Variants in DHX35 observed in about 807,000 individuals in gnomAD.
The protein encoded by DHX35 is DEAH-box helicase 35, also known as probable ATP-dependent RNA helicase DHX35.
In DHX35, 84 loss-of-function variants were observed where a neutral mutation model predicts 99.6. That is an observed-to-expected ratio of 0.84 (90% CI 0.71 to 1.01). DHX35 has a LOEUF of 1.01. Ranked by LOEUF, DHX35 falls within the 50% of genes least tolerant of loss-of-function variation. The pLI is 0.00. For missense variants in DHX35, 852 were observed against 888.5 expected (o/e 0.96, Z 0.52); for synonymous variants, 331 against 316.2 (o/e 1.05, Z -0.50).
intron 16 of DHX35, among the ~76,000 whole-genome samples, chr20:39,022,610 C>A (rs1256234724): frequency 6.6e-6 from 1 of 152,184 alleles, no homozygotes; most frequent in African/African-American, 2.4e-5. Context: ...AATTGTCATT[C>A]AGACTGCTCT....
At chr20:38,966,201 A>G (rs1466644683) in intron 1 of DHX35, among the ~76,000 whole-genome samples, 1 of 152,226 alleles carries the variant, frequency 6.6e-6, no homozygotes, top group Non-Finnish European at 1.5e-5. Context: ...AGTTTGCAAA[A>G]GTTATAAAGT....
chr20:38,975,130 A>G (rs2086057547), intron 3 of DHX35, among the ~76,000 whole-genome samples: 1 of 151,920 alleles, frequency 6.6e-6, no homozygotes, highest in Admixed American at 6.6e-5. Context: ...TAATGGGTTT[A>G]TAAATAGGTT....
At position 39,038,687 on chromosome 20, in the gene DHX35, C is replaced by G; in HGVS notation, c.*144C>G. 1.3e-6 allele frequency: 1 copy of G among 761,792 alleles called. No homozygotes were observed. 47.2% of individuals were successfully genotyped at this position (761,792 alleles called of 1,614,324 possible). Reference sequence around the variant, plus strand: ...GTGGGCTGCGGCCTGTTCATTAGTCCTTTCTTCCCGCTGCCCACAGCATTT... The same window carrying G: ...GTGGGCTGCGGCCTGTTCATTAGTCGTTTCTTCCCGCTGCCCACAGCATTT... On this transcript the variant is annotated 3_prime_UTR_variant, in exon 22 of 22. Transcript: ENST00000252011.
At chr20:38,970,768 A>G (rs1194925474) in intron 2 of DHX35, among the ~76,000 whole-genome samples, 2 of 152,128 alleles carry the variant, frequency 1.3e-5, no homozygotes, top group Non-Finnish European at 1.5e-5. Context: ...TTACTCAAGT[A>G]TTTAAATTTT....
At chr20:39,030,925 G>A (rs2087040077) in intron 20 of DHX35, 150 bp downstream of exon 20, 3 of 768,684 alleles carry the variant, frequency 3.9e-6, no homozygotes. Flanking sequence ...CACTTTGGGA[G>A]GCCAATGTAG....
chr20:38,963,438 G>A (rs966019973), intron 1 of DHX35, among the ~76,000 whole-genome samples: 10 of 152,212 alleles, frequency 6.6e-5, no homozygotes, highest in Non-Finnish European at 1.2e-4. Context: ...CCAAGCAAGA[G>A]ATATGTTTAA....
At chr20:39,013,029 GA>G (rs1479876930) in intron 13 of DHX35, among the ~76,000 whole-genome samples, 1 of 150,868 alleles carries the variant, frequency 6.6e-6, no homozygotes, top group East Asian at 1.9e-4. Flanking sequence ...TTCAGAAGAA[GA>G]AAAAAAGCTT....
intron 12 of DHX35, among the ~76,000 whole-genome samples, chr20:39,007,936 A>C (rs1467291035): frequency 6.6e-6 from 1 of 152,242 alleles, no homozygotes. Flanking sequence ...AAACACATTA[A>C]AGTGAACAAT....
chr20:39,033,655 T>C (rs980814530), intron 20 of DHX35, among the ~76,000 whole-genome samples: 2 of 152,242 alleles, frequency 1.3e-5, no homozygotes, highest in African/African-American at 2.4e-5. Context: ...CTGGATGTTA[T>C]GCTCTTGGCT....
intron 21 of DHX35, among the ~76,000 whole-genome samples, chr20:39,036,769 A>G (rs1735533891): frequency 2.0e-5 from 3 of 151,418 alleles, no homozygotes; most frequent in African/African-American, 4.8e-5. Flanking sequence ...ACCTAATACA[A>G]CAACCTCATT....
rs759970639 is a variant in DHX35 at position 38,969,084 on chromosome 20, C to G, written c.44C>G (p.Thr15Arg). Residue 15 changes from threonine to arginine, a missense_variant, in exon 2 of 22, where the codon ACA becomes AGA. By Grantham distance (71) the Thr-to-Arg change is moderately conservative. Transcript: ENST00000252011. Reference sequence around the variant, plus strand: ...AAAAAAAACATTTCTGCTGCAGGTACAGAGGGGCCAGGTGTAAGCATCTCT... The same window carrying G: ...AAAAAAAACATTTCTGCTGCAGGTAGAGAGGGGCCAGGTGTAAGCATCTCT... ...VGPVKFWRPG[T>R]EGPGVSISEE... 2.5e-6 allele frequency: 4 copies of G among 1,602,294 alleles called. No homozygotes were observed. Among genetic ancestry groups the G allele is most frequent in the South Asian group, 2.2e-5 (2 of 89,908 alleles).
chr20:39,038,429 G>T, intron 21 of DHX35, 70 bp from the exon 22 acceptor site: 1 of 1,518,552 alleles, frequency 6.6e-7, no homozygotes, highest in East Asian at 2.3e-5. Flanking sequence ...TCATTCATAT[G>T]GGGATTATGT....
chr20:38,974,849 G>C (rs1478891706), intron 3 of DHX35, among the ~76,000 whole-genome samples: 1 of 152,230 alleles, frequency 6.6e-6, no homozygotes. Flanking sequence ...GACAGAGTGA[G>C]GTTTCTGGAG....
chr20:39,001,867 T>G, intron 9 of DHX35, 25 bp downstream of exon 9: 2 of 1,552,182 alleles, frequency 1.3e-6, no homozygotes, highest in South Asian at 1.2e-5. Context: ...GAATTCTGGA[T>G]GATGGTGTTT....
In DHX35 at chr20:39,025,457, C is replaced by T. The variant is rs1600445167; in HGVS notation, c.1801+98C>T. On this transcript the variant is annotated intron_variant, in intron 18 of 21. Coordinates refer to ENST00000252011, the MANE Select transcript of DHX35 (RefSeq NM_021931.4). ...GCTGGGCTGGTGCGAGGCAGTGTGG[C>T]GTGCTCTGTACCAACACTGGGTTTT... 2.1e-5 allele frequency: 30 copies of T among 1,451,552 alleles called. No homozygotes were observed. The East Asian group carries it at 5.0e-4, about 24-fold the overall frequency. The allele number at this position is 1,451,552 out of a possible 1,614,324, so 89.9% of individuals were successfully genotyped here. A position where few individuals can be genotyped will look rare whatever the true frequency, so the allele number is the denominator to read the frequency against.
chr20:39,022,040 G>A (rs1600438716), intron 16 of DHX35, 105 bp downstream of exon 16: 28 of 1,096,692 alleles, frequency 2.6e-5, no homozygotes, highest in Non-Finnish European at 3.6e-5. Context: ...CTGTACAAAT[G>A]TGATCTGCTC....
intron 20 of DHX35, among the ~76,000 whole-genome samples, chr20:39,031,333 CTTTTTTTTTT>C (rs111833262): frequency 7.6e-6 from 1 of 131,700 alleles, no homozygotes; most frequent in African/African-American, 2.8e-5. Flanking sequence ...GCTCACGGTT[CTTTTTTTTTT>C]TTTTTTTTGA....
rs572216672 is a variant in DHX35 at position 38,965,706 on chromosome 20, A to G, written c.40+3299A>G. Among the ~76,000 whole-genome samples the G allele has an allele frequency of 1.4e-4, 22 of 152,310 alleles. No homozygotes were observed. The East Asian group carries it at 4.0e-3, about 28-fold the overall frequency. ...AATGAATGATTTAAAACATTTTAAC[A>G]ATAGCATGTCTGGGTACCTTAAGAT... On this transcript the variant is annotated intron_variant, in intron 1 of 21. Coordinates refer to ENST00000252011, the MANE Select transcript of DHX35 (RefSeq NM_021931.4).
chr20:38,992,443 G>C lies in DHX35; in HGVS notation c.582+18G>C. 1.2e-6 allele frequency: 2 copies of C among 1,612,846 alleles called. No homozygotes were observed. The highest frequency in any genetic ancestry group is 1.7e-6 in the Non-Finnish European group (2 of 1,178,876). On this transcript the variant is annotated intron_variant, in intron 7 of 21. Transcript: ENST00000252011. Reference sequence around the variant, plus strand: ...TAAAAAAGGTATGACTTCACTGCCAGCTTTTCATTGTGTGTGTTTATTTTA... The same window carrying C: ...TAAAAAAGGTATGACTTCACTGCCACCTTTTCATTGTGTGTGTTTATTTTA...
Sources: allele counts gnomAD v4.1 joint callset (sites outside exome capture counted in the v4.1 genomes callset), GRCh38; gene constraint gnomAD v4.1.1; transcripts MANE v1.5; gene names NCBI Gene and HGNC (gene_info 2026-07-23, HGNC 2026-07-21).